PYROXD1: variants seen among roughly 807,000 people sequenced by gnomAD.
PYROXD1 encodes tRNA ligase complex-associated NAD(P)H dehydrogenase PYROXD1.
PYROXD1 carries 42 observed loss-of-function variants against 62.0 expected under a neutral mutation model. The ratio of observed to expected loss-of-function variants is 0.68; its 90% confidence interval spans 0.53 to 0.88. The LOEUF is 0.88. Ranked by LOEUF, PYROXD1 falls within the 40% of genes least tolerant of loss-of-function variation. The pLI is 0.00. For synonymous variants in PYROXD1, 170 were observed against 206.4 expected (o/e 0.82, Z 1.51); for missense variants, 493 against 604.8 (o/e 0.82, Z 1.94).
At chr12:21,466,921 T>C (rs2137291066) in intron 10 of PYROXD1, among the ~76,000 whole-genome samples, 1 of 152,232 alleles carries the variant, frequency 6.6e-6, no homozygotes, top group South Asian at 2.1e-4. Context: ...TCTCAAAACT[T>C]CATAGAAATA....
At chr12:21,466,739 C>A (rs1215431530) in intron 10 of PYROXD1, among the ~76,000 whole-genome samples, 1 of 152,116 alleles carries the variant, frequency 6.6e-6, no homozygotes, top group Admixed American at 6.5e-5. Flanking sequence ...CTGTCTTATG[C>A]CAGTTTTCAA....
chr12:21,453,445 T>A (rs1210655223), intron 5 of PYROXD1, among the ~76,000 whole-genome samples: 3 of 152,088 alleles, frequency 2.0e-5, no homozygotes, highest in African/African-American at 7.2e-5. Flanking sequence ...CTACACTGTG[T>A]TTCAGTGAAA....
chr12:21,440,550 A>G, intron 2 of PYROXD1, 102 bp downstream of exon 2: 1 of 674,060 alleles, frequency 1.5e-6, no homozygotes, highest in Non-Finnish European at 2.6e-6. Context: ...TTAAAAATTG[A>G]CAAGTACAGT....
chr12:21,442,983 G>C (rs1276525491), intron 2 of PYROXD1, among the ~76,000 whole-genome samples: 1 of 151,656 alleles, frequency 6.6e-6, no homozygotes, highest in Non-Finnish European at 1.5e-5. Context: ...AGCCCTCTTT[G>C]GGCTATTTTG....
At chr12:21,446,129 A>T (rs1174551009) in intron 3 of PYROXD1, among the ~76,000 whole-genome samples, 1 of 152,226 alleles carries the variant, frequency 6.6e-6, no homozygotes, top group Non-Finnish European at 1.5e-5. Context: ...TCACACTATA[A>T]GAAGTTGAGT....
intron 5 of PYROXD1, among the ~76,000 whole-genome samples, chr12:21,453,079 G>T (rs1176891552): frequency 6.6e-6 from 1 of 152,018 alleles, no homozygotes; most frequent in Admixed American, 6.6e-5. Context: ...TGGGCCAAGA[G>T]GGAAGAGGTA....
At chr12:21,439,257 AT>A (rs1390886640) in intron 1 of PYROXD1, among the ~76,000 whole-genome samples, 3 of 152,188 alleles carry the variant, frequency 2.0e-5, no homozygotes, top group Non-Finnish European at 4.4e-5. Context: ...TTGAAAGATG[AT>A]TAGTTACAAT....
chr12:21,437,845 T>A (rs774495032), intron 1 of PYROXD1, 31 bp downstream of exon 1: 4 of 1,593,702 alleles, frequency 2.5e-6, no homozygotes. Context: ...TTCCGCCTCT[T>A]TCCCCGACCC....
intron 10 of PYROXD1, among the ~76,000 whole-genome samples, chr12:21,465,771 G>C (rs1427820280): frequency 6.6e-6 from 1 of 151,990 alleles, no homozygotes; most frequent in Non-Finnish European, 1.5e-5. Context: ...TATTGCCTAG[G>C]TTTTCTTCTA....
intron 4 of PYROXD1, among the ~76,000 whole-genome samples, chr12:21,450,105 G>A (rs4762828): frequency 0.5 from 74,453 of 150,182 alleles, 18,431 homozygotes; most frequent in Middle Eastern, 0.59. Flanking sequence ...TCCTGACCTC[G>A]TGACCGCCCA....
At chr12:21,463,923 G>T (rs1232996054) in intron 10 of PYROXD1, among the ~76,000 whole-genome samples, 2 of 152,154 alleles carry the variant, frequency 1.3e-5, no homozygotes, top group Admixed American at 1.3e-4. Context: ...TTAAAGACCA[G>T]CTCCACAGTT....
chr12:21,463,584 C>G (rs1410669127), intron 10 of PYROXD1, among the ~76,000 whole-genome samples: 2 of 151,446 alleles, frequency 1.3e-5, no homozygotes, highest in Non-Finnish European at 2.9e-5. Flanking sequence ...CCCAGCTATT[C>G]AGGAGGCTGA....
At chr12:21,446,855 C>A (rs1022193802) in intron 3 of PYROXD1, among the ~76,000 whole-genome samples, 1 of 152,016 alleles carries the variant, frequency 6.6e-6, no homozygotes, top group Non-Finnish European at 1.5e-5. Context: ...TTCAAGGCTG[C>A]AGTTAGCTGT....
At chr12:21,442,248 G>A (rs961192832) in intron 2 of PYROXD1, among the ~76,000 whole-genome samples, 21 of 152,182 alleles carry the variant, frequency 1.4e-4, no homozygotes, top group Admixed American at 3.3e-4. Flanking sequence ...ATACACGGAG[G>A]AATTAAAGTT....
intron 7 of PYROXD1, among the ~76,000 whole-genome samples, chr12:21,456,459 G>GT (rs1942599238): frequency 6.6e-6 from 1 of 151,898 alleles, no homozygotes; most frequent in Non-Finnish European, 1.5e-5. Flanking sequence ...CAAAAGTTAT[G>GT]TTTATAACAT....
intron 9 of PYROXD1, 78 bp downstream of exon 9, chr12:21,462,198 T>A: frequency 1.3e-6 from 1 of 788,092 alleles, no homozygotes; most frequent in Non-Finnish European, 2.2e-6. Flanking sequence ...CAAACATGAA[T>A]AATTATTATT....
rs528330306 is a variant in PYROXD1, at chr12:21,470,830, C to T, written c.*2076C>T. 2.2e-5 allele frequency: 12 copies of T among 535,580 alleles called. No homozygotes were observed. In the East Asian group the frequency reaches 3.6e-4, roughly 16 times the overall value. The allele number at this position is 535,580 out of a possible 1,614,324, so 33.2% of individuals were successfully genotyped here. On this transcript the variant is annotated 3_prime_UTR_variant, in exon 12 of 12. Coordinates refer to ENST00000240651, the MANE Select transcript of PYROXD1 (RefSeq NM_024854.5). The stretch of plus-strand genomic sequence containing the variant: ...CTTTACAGAAAACTATATTTTCTCT[C>T]TTCCATACCCAGAAATCTAATCAGA...
At chr12:21,439,021 T>A (rs1942247290) in intron 1 of PYROXD1, among the ~76,000 whole-genome samples, 1 of 152,206 alleles carries the variant, frequency 6.6e-6, no homozygotes, top group African/African-American at 2.4e-5. Flanking sequence ...GAAATTTTTT[T>A]AATCAAAGAA....
rs1942364327 is a variant in PYROXD1, at chr12:21,445,264, A to C, written c.166-83A>C. 2.2e-6 allele frequency: 3 copies of C among 1,363,352 alleles called. No individual in the cohort carries two copies. The African/African-American group carries it at 4.4e-5, about 20-fold the overall frequency. 84.5% of individuals were successfully genotyped at this position (1,363,352 alleles called of 1,614,324 possible). ...TTTTATAAACACAAAATAGTGTGTA[A>C]AAGCAAAGTATTTTTATTATTTAAG... On this transcript the variant is annotated intron_variant, in intron 2 of 11. Coordinates refer to ENST00000240651, the MANE Select transcript of PYROXD1 (RefSeq NM_024854.5).
Sources: allele counts gnomAD v4.1 joint callset (sites outside exome capture counted in the v4.1 genomes callset), GRCh38; gene constraint gnomAD v4.1.1; transcripts MANE v1.5; gene names NCBI Gene and HGNC (gene_info 2026-07-23, HGNC 2026-07-21).